TACC2: variants seen among roughly 807,000 people sequenced by gnomAD.
TACC2 encodes transforming acidic coiled-coil containing protein 2.
TACC2 carries 137 observed loss-of-function variants against 227.3 expected under a neutral mutation model. That is an observed-to-expected ratio of 0.60 (90% CI 0.52 to 0.69). TACC2 has a LOEUF of 0.69. Ranked by LOEUF, TACC2 falls within the 30% of genes least tolerant of loss-of-function variation. The pLI is 0.00. For missense variants in TACC2, 3,470 were observed against 3,694.4 expected, an observed-to-expected ratio of 0.94 and a Z score of 1.57; for synonymous variants, 1,523 against 1,487.5, an observed-to-expected ratio of 1.02 and a Z score of -0.55.
chr10:122,000,930 C>T (rs1415218646), intron 1 of TACC2, among the ~76,000 whole-genome samples: 2 of 152,218 alleles, frequency 1.3e-5, no homozygotes, highest in African/African-American at 4.8e-5. Context: ...TCAAGCGATT[C>T]TCCTTCCTCA....
rs762114377 is a variant in TACC2 at position 122,087,645 on chromosome 10, GAC to G, written c.5149_5150del (p.Gln1717GlyfsTer6). The G allele has an allele frequency of 1.2e-6, 2 of 1,613,468 alleles. No homozygotes were observed. The highest frequency in any genetic ancestry group is 1.7e-6 in the Non-Finnish European group (2 of 1,180,008). ...GTGACATCACCCTGAGCACAGCTGA[GAC>G]ACAGGCATGTGCGTCCGGTGATCTG... ...EGDITLSTAE[T>X]QACASGDLPE... On this transcript the variant is annotated frameshift_variant, in exon 4 of 23. Transcript: ENST00000369005. LOFTEE classifies it high-confidence loss of function.
At chr10:122,147,883 T>C (rs1003887928) in intron 7 of TACC2, among the ~76,000 whole-genome samples, 1 of 152,150 alleles carries the variant, frequency 6.6e-6, no homozygotes, top group Non-Finnish European at 1.5e-5. Context: ...CCCTGACAGC[T>C]GTGGTTCCAT....
intron 7 of TACC2, among the ~76,000 whole-genome samples, chr10:122,166,149 G>A (rs2093150571): frequency 6.6e-6 from 1 of 152,160 alleles, no homozygotes; most frequent in South Asian, 2.1e-4. Flanking sequence ...CACCTGCCGC[G>A]GGGGACAGCT....
At chr10:122,044,840 A>G (rs902537003) in intron 2 of TACC2, among the ~76,000 whole-genome samples, 2 of 152,086 alleles carry the variant, frequency 1.3e-5, no homozygotes, top group African/African-American at 2.4e-5. Flanking sequence ...TACTCAAGCA[A>G]TGGCAGCGAG....
Position 122,105,576 on chromosome 10 carries a change from C to T in TACC2, c.5573+16985C>T, listed in dbSNP as rs372771502. ...TTTGGTTCCGTATTCCTGCTTCTTG[C>T]CTCTCCAGCATGTGCCTGTCTTTCC... On this transcript the variant is annotated intron_variant, in intron 5 of 22. Coordinates refer to ENST00000369005, the MANE Select transcript of TACC2 (RefSeq NM_206862.4). Among the ~76,000 whole-genome samples the T allele has an allele frequency of 3.3e-5, 5 of 152,228 alleles. No homozygotes were observed. The East Asian group carries it at 9.6e-4, about 29-fold the overall frequency.
Position 122,210,154 on chromosome 10 carries a change from TA to T in TACC2, c.5972-241del. 1.7e-6 allele frequency: 1 copy of T among 573,722 alleles called. No homozygotes were observed. The highest frequency in any genetic ancestry group is 3.2e-6 in the Non-Finnish European group (1 of 315,628). 35.5% of individuals were successfully genotyped at this position (573,722 alleles called of 1,614,324 possible). A position where few individuals can be genotyped will look rare whatever the true frequency, so the allele number is the denominator to read the frequency against. On this transcript the variant is annotated intron_variant, in intron 8 of 22. Coordinates refer to ENST00000369005, the MANE Select transcript of TACC2 (RefSeq NM_206862.4). This position sits in a 1 kb window ranked among gnomAD's most constrained non-coding sequence, Gnocchi z 4.6. The stretch of plus-strand genomic sequence containing the variant: ...TGAATGAATACTCTGAGCTGTTCTT[TA>T]ATCGGTCCTCATGATCCTCATTGTA...
intron 16 of TACC2, 44 bp downstream of exon 16, chr10:122,230,484 G>A: frequency 1.9e-6 from 3 of 1,560,882 alleles, no homozygotes; most frequent in Non-Finnish European, 2.6e-6. Context: ...AGAATGTCAT[G>A]TGTGCCGCTG....
chr10:122,000,268 A>G (rs1461654794), intron 1 of TACC2, among the ~76,000 whole-genome samples: 1 of 152,056 alleles, frequency 6.6e-6, no homozygotes, highest in Non-Finnish European at 1.5e-5. Context: ...AGTCCCAGCT[A>G]CTCGCAAGGC....
rs747267478 is a variant in TACC2 at position 122,211,399 on chromosome 10, C to T, written c.6974C>T (p.Pro2325Leu). The change falls in exon 9 of 23, where the codon CCC (proline) becomes CTC (leucine). Residue 2325 changes from proline (P) to leucine (L), a missense_variant. Coordinates refer to ENST00000369005, the MANE Select transcript of TACC2 (RefSeq NM_206862.4). Reference sequence around the variant, plus strand: ...TCACCTCCCAGATCCCCTGCTGAACCCAATGACATCCCCATTGCTAAAGGT... The same window carrying T: ...TCACCTCCCAGATCCCCTGCTGAACTCAATGACATCCCCATTGCTAAAGGT... ...PASPPRSPAE[P>L]NDIPIAKGTY... 1.2e-6 allele frequency: 2 copies of T among 1,614,076 alleles called. No individual in the cohort carries two copies. The highest frequency in any genetic ancestry group is 1.7e-6 in the Non-Finnish European group (2 of 1,180,008).
chr10:122,128,299 T>C (rs952061224), intron 5 of TACC2, among the ~76,000 whole-genome samples: 2 of 152,232 alleles, frequency 1.3e-5, no homozygotes, highest in African/African-American at 4.8e-5. Context: ...CACTCACTTA[T>C]GTCATAGTTG....
chr10:122,129,058 TTAA>T (rs1445903122), intron 5 of TACC2, among the ~76,000 whole-genome samples: 12 of 58,626 alleles, frequency 2.0e-4, no homozygotes, highest in African/African-American at 4.7e-4. Context: ...CTATCTTATT[TTAA>T]TTATTATTAT....
rs1002749520 is a variant in TACC2 at position 122,087,318 on chromosome 10, C to T, written c.4818C>T (p.Cys1606=). Residue 1606 remains cysteine (C), a synonymous_variant, in exon 4 of 23, where the codon TGC becomes TGT. Coordinates refer to ENST00000369005, the MANE Select transcript of TACC2 (RefSeq NM_206862.4). The part of the protein sequence containing the change: ...SGKQHQETSA[C]DSPHGEDGPG... ...AGCAGCACCAGGAAACATCTGCCTG[C>T]GACAGTCCACATGGAGAAGATGGTC... 6.2e-6 allele frequency: 10 copies of T among 1,613,862 alleles called. No homozygotes were observed. The highest frequency in any genetic ancestry group is 5.9e-6 in the Non-Finnish European group (7 of 1,180,012).
chr10:122,037,832 A>G (rs1408854637), intron 2 of TACC2, among the ~76,000 whole-genome samples: 2 of 152,154 alleles, frequency 1.3e-5, no homozygotes, highest in East Asian at 1.9e-4. Context: ...ATTATTCTGG[A>G]TGGGGCTGAG....
intron 8 of TACC2, among the ~76,000 whole-genome samples, chr10:122,206,648 A>C (rs74159092): frequency 0.077 from 11,727 of 152,256 alleles, 1,373 homozygotes; most frequent in African/African-American, 0.25. Flanking sequence ...TGGTGATGGC[A>C]GCCCAGCAAG....
intron 2 of TACC2, among the ~76,000 whole-genome samples, chr10:122,035,275 C>A (rs1381893459): frequency 6.6e-6 from 1 of 152,210 alleles, no homozygotes; most frequent in African/African-American, 2.4e-5. Flanking sequence ...AAGCCCCTCC[C>A]TGCTGGGCAT....
intron 3 of TACC2, among the ~76,000 whole-genome samples, chr10:122,074,646 G>A (rs2136852353): frequency 6.6e-6 from 1 of 152,226 alleles, no homozygotes; most frequent in Admixed American, 6.5e-5. Flanking sequence ...AGGGATTAGA[G>A]TGCTGGAGAG....
At chr10:122,242,455 C>T (rs1174636372) in intron 19 of TACC2, among the ~76,000 whole-genome samples, 1 of 152,192 alleles carries the variant, frequency 6.6e-6, no homozygotes, top group Non-Finnish European at 1.5e-5. Context: ...TGATTGTCCG[C>T]CTCCTTCCTC....
intron 3 of TACC2, chr10:122,052,186 C>T (rs2075773838): frequency 6.6e-6 from 1 of 152,156 alleles, no homozygotes; most frequent in African/African-American, 2.4e-5. Flanking sequence ...TGGAATCCCA[C>T]ACAAGGGAAG....
intron 1 of TACC2, among the ~76,000 whole-genome samples, chr10:122,016,665 C>T (rs191576196): frequency 1.3e-5 from 2 of 152,108 alleles, no homozygotes; most frequent in Middle Eastern, 3.4e-3. Context: ...CTGCCCCATT[C>T]TGAGCACTGT....
Sources: allele counts gnomAD v4.1 joint callset (sites outside exome capture counted in the v4.1 genomes callset), GRCh38; gene constraint gnomAD v4.1.1; non-coding constraint Gnocchi (gnomAD v3.1); transcripts MANE v1.5; gene names NCBI Gene and HGNC (gene_info 2026-07-23, HGNC 2026-07-21).